Variants in PAK3 observed in about 807,000 individuals in gnomAD.
PAK3 encodes the protein p21 (RAC1) activated kinase 3, also known as serine/threonine-protein kinase PAK 3.
PAK3 carries 4 observed loss-of-function variants against 41.0 expected under a neutral mutation model. The ratio of observed to expected loss-of-function variants is 0.10; its 90% confidence interval spans 0.05 to 0.22. The LOEUF (loss-of-function observed/expected upper bound fraction) is 0.22, where lower values mean the gene tolerates loss of function less well. Among genes scored for constraint, PAK3 ranks in the 10% least tolerant of loss-of-function variants. The pLI is 1.00. For synonymous variants in PAK3, 146 were observed against 139.6 expected (o/e 1.05, Z -0.32); for missense variants, 205 against 409.9 (o/e 0.50, Z 4.32).
At chrX:111,220,286 T>C in intron 17 of PAK3, 72 bp from the exon 18 acceptor site, 2 of 664,090 alleles carry the variant, frequency 3.0e-6, no homozygotes, top group Non-Finnish European at 4.9e-6. Flanking sequence ...AAAGGGCTGC[T>C]TGAAAATGTA....
rs565273955 is a variant in PAK3 at position 111,215,006 on chromosome X, C to T, written c.1408-1415C>T. On this transcript the variant is annotated intron_variant, in intron 16 of 17. Coordinates refer to ENST00000372007, the MANE Select transcript of PAK3 (RefSeq NM_002578.5). Reference sequence around the variant, plus strand: ...TAAAATGTCAGCCTCCTCTGTGAAGCTTTCTCTGAGCTGTGGTGTAAACTA... The same window carrying T: ...TAAAATGTCAGCCTCCTCTGTGAAGTTTTCTCTGAGCTGTGGTGTAAACTA... 2.7e-5 allele frequency among the ~76,000 whole-genome samples: 3 copies of T among 111,404 alleles called. No individual in the cohort carries two copies. In the South Asian group the frequency reaches 1.2e-3, roughly 43 times the overall value.
rs759224681 is a variant in PAK3, at chrX:111,223,736, C to A, written c.*3289C>A. The A allele has an allele frequency of 2.7e-5, 3 of 111,090 alleles. No homozygotes were observed. In the South Asian group the frequency reaches 1.1e-3, roughly 43 times the overall value. The allele number at this position is 111,090 out of a possible 1,213,427, so 9.2% of individuals were successfully genotyped here. On this transcript the variant is annotated 3_prime_UTR_variant, in exon 18 of 18. Transcript: ENST00000372007. ...TGTCTATAAATGATATTTCTCAGCT[C>A]AAAGATCGTGTAAATAATTATATTC...
At position 111,220,778 on chromosome X, in the gene PAK3, T is replaced by C. The variant is rs1233420115; in HGVS notation, c.*331T>C. 3 of 224,622 alleles carry C rather than the reference T, an allele frequency of 1.3e-5. No homozygotes were observed. Among genetic ancestry groups the C allele is most frequent in the South Asian group, 2.1e-4 (2 of 9,621 alleles). The allele number at this position is 224,622 out of a possible 1,213,427, so 18.5% of individuals were successfully genotyped here. A position where few individuals can be genotyped will look rare whatever the true frequency, so the allele number is the denominator to read the frequency against. ...CTCAAAGATGCACACTCCCTCTTCA[T>C]AGTGTTGTGTTTGTTTTTAAGTTAG... is the stretch of plus-strand genomic sequence containing the variant. On this transcript the variant is annotated 3_prime_UTR_variant, in exon 18 of 18. Transcript: ENST00000372007.
intron 11 of PAK3, among the ~76,000 whole-genome samples, chrX:111,176,917 T>C (rs1641959937): frequency 9.2e-6 from 1 of 108,346 alleles, no homozygotes; most frequent in South Asian, 4.0e-4. Flanking sequence ...TTTCCTCAGT[T>C]CTTAATTATT....
chrX:110,987,887 G>T (rs759799084), intron 1 of PAK3, among the ~76,000 whole-genome samples: 2 of 111,216 alleles, frequency 1.8e-5, no homozygotes, highest in South Asian at 7.9e-4. Flanking sequence ...TCACAGCCCT[G>T]CTCCTTCATT....
At chrX:111,180,804 C>T in intron 11 of PAK3, among the ~76,000 whole-genome samples, 1 of 111,418 alleles carries the variant, frequency 9.0e-6, no homozygotes, top group Admixed American at 9.5e-5. Context: ...TGAACTAGGC[C>T]CTAAATGGAC....
At chrX:111,178,087 CT>C (rs1325976938) in intron 11 of PAK3, among the ~76,000 whole-genome samples, 2 of 111,001 alleles carry the variant, frequency 1.8e-5, no homozygotes, top group Non-Finnish European at 3.8e-5. Context: ...GACCTCTATA[CT>C]TGTGGTCCCC....
At chrX:111,143,837 C>T (rs1029259731) in intron 6 of PAK3, among the ~76,000 whole-genome samples, 3 of 111,282 alleles carry the variant, frequency 2.7e-5, no homozygotes, top group South Asian at 3.7e-4. Flanking sequence ...TGTGCTTTTC[C>T]TCATTTAAAC....
chrX:111,083,029 A>T (rs1232702850), intron 1 of PAK3, among the ~76,000 whole-genome samples: 1 of 112,622 alleles, frequency 8.9e-6, no homozygotes, highest in East Asian at 2.8e-4. Context: ...AGAAATATTT[A>T]AAAGAAATTA....
At chrX:111,086,546 G>A (rs752847894) in intron 1 of PAK3, among the ~76,000 whole-genome samples, 7 of 111,389 alleles carry the variant, frequency 6.3e-5, no homozygotes, top group African/African-American at 9.8e-5. Flanking sequence ...ACAATCTCAC[G>A]ATTAGTGAGA....
At chrX:110,945,929 T>G (rs2090609822) in intron 1 of PAK3, among the ~76,000 whole-genome samples, 1 of 112,181 alleles carries the variant, frequency 8.9e-6, no homozygotes, top group African/African-American at 3.2e-5. Context: ...GCAGACATTT[T>G]TTGCATACCT....
rs1429983105 is a variant in PAK3, at chrX:111,162,129, C to A, written c.469-786C>A. Among the ~76,000 whole-genome samples, 3 of 111,609 alleles carry A rather than the reference C, an allele frequency of 2.7e-5. No individual in the cohort carries two copies. The East Asian group carries it at 8.5e-4, about 31-fold the overall frequency. On this transcript the variant is annotated intron_variant, in intron 8 of 17. Coordinates refer to ENST00000372007, the MANE Select transcript of PAK3 (RefSeq NM_002578.5). ...AAGTTCCTTAATGATGCTAATGATG[C>A]TGATCTGGGAACCACACTTTGAGAA...
chrX:111,142,240 C>A, intron 6 of PAK3, 44 bp downstream of exon 6: 1 of 756,448 alleles, frequency 1.3e-6, no homozygotes, highest in Non-Finnish European at 2.1e-6. Context: ...CGAAAGAATT[C>A]CTTTGTGAAA....
chrX:111,018,931 C>A (rs1044594730), intron 1 of PAK3, among the ~76,000 whole-genome samples: 44 of 111,256 alleles, frequency 4.0e-4, no homozygotes, highest in African/African-American at 1.3e-3. Flanking sequence ...CAGAAATAAA[C>A]CCTCATTAGA....
At chrX:111,102,488 G>A (rs928463451) in intron 3 of PAK3, among the ~76,000 whole-genome samples, 4 of 111,564 alleles carry the variant, frequency 3.6e-5, no homozygotes, top group Non-Finnish European at 7.5e-5. Context: ...CTGTTGCCTG[G>A]CAGACAGACT....
chrX:111,011,066 A>G lies in PAK3; in HGVS notation c.-28+66438A>G, dbSNP rs181674351. Among the ~76,000 whole-genome samples the G allele has an allele frequency of 3.6e-5, 4 of 112,169 alleles. No individual in the cohort carries two copies. In the East Asian group the frequency reaches 1.1e-3, roughly 32 times the overall value. On this transcript the variant is annotated intron_variant, in intron 1 of 14. Transcript: ENST00000425146. ...TGATAAATTTGAAAGTGCTTTGCAC[A>G]GTGCTTGCCTCATAGTGGGTGCTCA...
At chrX:110,955,683 TG>T (rs1217275863) in intron 1 of PAK3, among the ~76,000 whole-genome samples, 1 of 111,889 alleles carries the variant, frequency 8.9e-6, no homozygotes, top group African/African-American at 3.2e-5. Flanking sequence ...ACTACGGTCT[TG>T]TAAGGCCTCA....
chrX:110,992,755 C>T (rs746332684), intron 1 of PAK3, among the ~76,000 whole-genome samples: 4 of 111,784 alleles, frequency 3.6e-5, no homozygotes, highest in East Asian at 2.8e-4. Flanking sequence ...TTCTCAAGGT[C>T]GGAAAGCCTT....
In PAK3 at chrX:111,184,331, A is replaced by G. The variant is rs1433903526; in HGVS notation, c.831-7796A>G. Among the ~76,000 whole-genome samples, 3 of 111,068 alleles carry G rather than the reference A, an allele frequency of 2.7e-5. No individual in the cohort carries two copies. In the East Asian group the frequency reaches 8.5e-4, roughly 32 times the overall value. On this transcript the variant is annotated intron_variant, in intron 11 of 17. Transcript: ENST00000372007. ...GACCCAATACACTGGAGAATTAGGA[A>G]TTTTAACCCCTATCTTTGTTAGTTT...
Sources: allele counts gnomAD v4.1 joint callset (sites outside exome capture counted in the v4.1 genomes callset), GRCh38; gene constraint gnomAD v4.1.1; transcripts MANE v1.5; gene names NCBI Gene and HGNC (gene_info 2026-07-23, HGNC 2026-07-21).